Variants in ADGRL2 observed in about 807,000 individuals in gnomAD.
ADGRL2 encodes the protein adhesion G protein-coupled receptor L2.
A neutral mutation model predicts 157.4 loss-of-function variants in ADGRL2; 44 were observed. The observed-to-expected ratio is 0.28, with a 90% confidence interval of 0.22 to 0.36. The LOEUF (loss-of-function observed/expected upper bound fraction) is 0.36, where lower values mean the gene tolerates loss of function less well. ADGRL2 is among the 10% of genes least tolerant of loss of function. The probability of loss-of-function intolerance (pLI) is 1.00; values close to 1 mark genes in which losing one functional copy is unlikely to be tolerated. For synonymous variants in ADGRL2, 585 were observed against 624.7 expected, an observed-to-expected ratio of 0.94 and a Z score of 0.95; for missense variants, 1,510 against 1,768.9, an observed-to-expected ratio of 0.85 and a Z score of 2.63.
chr1:81,971,830 T>G (rs751653706), intron 16 of ADGRL2, 22 bp from the exon 17 acceptor site: 3 of 1,444,690 alleles, frequency 2.1e-6, no homozygotes, highest in Non-Finnish European at 2.9e-6. Context: ...TACTAATGCA[T>G]ATTCTTCTCT....
At chr1:81,933,201 G>A (rs536446807) in intron 3 of ADGRL2, among the ~76,000 whole-genome samples, 1 of 152,238 alleles carries the variant, frequency 6.6e-6, no homozygotes, top group African/African-American at 2.4e-5. Context: ...AACCGTAATT[G>A]TAGTTCCTTC....
chr1:81,688,379 T>A (rs1181787922), intron 3 of ADGRL2, among the ~76,000 whole-genome samples: 2 of 152,110 alleles, frequency 1.3e-5, no homozygotes, highest in African/African-American at 4.8e-5. Flanking sequence ...TTATTCTTTT[T>A]TCTTTGTCTT....
At chr1:81,803,959 A>G (rs1571309809) in intron 1 of ADGRL2, among the ~76,000 whole-genome samples, 1 of 152,136 alleles carries the variant, frequency 6.6e-6, no homozygotes, top group East Asian at 1.9e-4. Flanking sequence ...GTAAATAATT[A>G]CCTGTTAGGT....
At chr1:81,643,339 G>T (rs771424130) in intron 3 of ADGRL2, among the ~76,000 whole-genome samples, 7 of 152,138 alleles carry the variant, frequency 4.6e-5, no homozygotes, top group Non-Finnish European at 8.8e-5. Context: ...TTGAGACAGG[G>T]TCTCGCTCTG....
At chr1:81,726,013 C>G (rs2084515566) in intron 1 of ADGRL2, among the ~76,000 whole-genome samples, 1 of 148,828 alleles carries the variant, frequency 6.7e-6, no homozygotes, top group Non-Finnish European at 1.5e-5. Flanking sequence ...AAACAAAAAC[C>G]CAAAAACCAA....
At chr1:81,600,219 A>G (rs2081310094) in intron 3 of ADGRL2, among the ~76,000 whole-genome samples, 1 of 152,356 alleles carries the variant, frequency 6.6e-6, no homozygotes, top group South Asian at 2.1e-4. Context: ...CACATGTGCA[A>G]GTAAGTAAAG....
At chr1:81,335,025 C>T (rs1189675007) in intron 1 of ADGRL2, among the ~76,000 whole-genome samples, 1 of 152,146 alleles carries the variant, frequency 6.6e-6, no homozygotes, top group Admixed American at 6.5e-5. Context: ...GCCTTCCTTA[C>T]CTGAAACTAA....
chr1:81,894,475 T>A (rs2094338811), intron 2 of ADGRL2, among the ~76,000 whole-genome samples: 1 of 152,180 alleles, frequency 6.6e-6, no homozygotes, highest in Non-Finnish European at 1.5e-5. Flanking sequence ...ACCCACTTGA[T>A]TAGTTGTTCC....
intron 3 of ADGRL2, among the ~76,000 whole-genome samples, chr1:81,933,606 T>C (rs895445270): frequency 1.3e-5 from 2 of 152,224 alleles, no homozygotes; most frequent in Non-Finnish European, 2.9e-5. Context: ...TCTTTTTAAA[T>C]GATAGCAATT....
chr1:81,855,733 C>A lies in ADGRL2; in HGVS notation c.73+18676C>A, dbSNP rs978854615. On this transcript the variant is annotated intron_variant, in intron 2 of 23. Coordinates refer to ENST00000686636, the MANE Select transcript of ADGRL2 (RefSeq NM_001366006.2). ...CTAATTCAAACAGACACTGAGGGGG[C>A]AAATGAAATATACCTGTGAGCTGAA... is the stretch of plus-strand genomic sequence containing the variant. 2.6e-5 allele frequency among the ~76,000 whole-genome samples: 4 copies of A among 152,046 alleles called. No homozygotes were observed. In the East Asian group the frequency reaches 7.7e-4, roughly 29 times the overall value.
intron 1 of ADGRL2, among the ~76,000 whole-genome samples, chr1:81,348,084 G>C (rs1412622219): frequency 6.6e-6 from 1 of 152,200 alleles, no homozygotes; most frequent in East Asian, 1.9e-4. Flanking sequence ...GGCCAAGTGA[G>C]TAGGGCCACC....
chr1:81,466,274 A>G (rs1382030525), intron 2 of ADGRL2, among the ~76,000 whole-genome samples: 1 of 152,198 alleles, frequency 6.6e-6, no homozygotes, highest in Non-Finnish European at 1.5e-5. Context: ...CAGCCAGCAA[A>G]AGGTATACAG....
At chr1:81,468,787 T>G (rs1276780624) in intron 2 of ADGRL2, among the ~76,000 whole-genome samples, 1 of 152,140 alleles carries the variant, frequency 6.6e-6, no homozygotes, top group Admixed American at 6.6e-5. Context: ...AACCTAGCAT[T>G]TTTCATTTTT....
chr1:81,555,674 C>G (rs982464785), intron 2 of ADGRL2, among the ~76,000 whole-genome samples: 2 of 152,226 alleles, frequency 1.3e-5, no homozygotes, highest in Non-Finnish European at 2.9e-5. Context: ...GTCACATGCT[C>G]TTTGTGGAGG....
chr1:81,932,914 C>A (rs1051579827), intron 3 of ADGRL2, among the ~76,000 whole-genome samples: 5 of 152,100 alleles, frequency 3.3e-5, no homozygotes, highest in African/African-American at 1.2e-4. Context: ...GTTGGTCAGG[C>A]TGGTCTCCAA....
At chr1:81,842,470 G>C (rs1287029448) in intron 2 of ADGRL2, among the ~76,000 whole-genome samples, 1 of 144,538 alleles carries the variant, frequency 6.9e-6, no homozygotes, top group African/African-American at 2.6e-5. Context: ...GGATTCTCCT[G>C]CCTCAGCCTC....
At chr1:81,394,305 C>T (rs1048877072) in intron 1 of ADGRL2, among the ~76,000 whole-genome samples, 1 of 152,082 alleles carries the variant, frequency 6.6e-6, no homozygotes, top group Non-Finnish European at 1.5e-5. Flanking sequence ...CACTAGAACT[C>T]ATTCTTCCTA....
chr1:81,825,462 C>T (rs929811697), intron 1 of ADGRL2, among the ~76,000 whole-genome samples: 2 of 151,858 alleles, frequency 1.3e-5, no homozygotes, highest in Non-Finnish European at 2.9e-5. Flanking sequence ...GATTCCCCTG[C>T]CTCAGCCTCC....
intron 2 of ADGRL2, among the ~76,000 whole-genome samples, chr1:81,466,911 A>AAG (rs2078067475): frequency 6.6e-6 from 1 of 152,268 alleles, no homozygotes; most frequent in East Asian, 1.9e-4. Flanking sequence ...TTATAAACTG[A>AAG]AGAGGTAATC....
Sources: gnomAD v4.1 joint callset for allele counts (sites outside exome capture counted in the v4.1 genomes callset) on GRCh38, gnomAD v4.1.1 for gene constraint, MANE v1.5 for transcripts, NCBI Gene and HGNC (gene_info 2026-07-23, HGNC 2026-07-21) for gene names.